MAOB: variants seen among roughly 807,000 people sequenced by gnomAD.
MAOB encodes the protein amine oxidase [flavin-containing] B.
Under a neutral mutation model 41.9 loss-of-function variants are expected in MAOB, and 15 were observed. The observed-to-expected ratio is 0.36, with a 90% confidence interval of 0.24 to 0.55. MAOB has a LOEUF of 0.55. Ranked by LOEUF, MAOB falls within the 20% of genes least tolerant of loss-of-function variation. MAOB has a pLI of 0.86. For missense variants in MAOB, 345 were observed against 398.7 expected, an observed-to-expected ratio of 0.87 and a Z score of 1.15; for synonymous variants, 167 against 144.2, an observed-to-expected ratio of 1.16 and a Z score of -1.13.
chrX:43,826,814 G>C (rs2034952467), intron 3 of MAOB, among the ~76,000 whole-genome samples: 1 of 111,476 alleles, frequency 9.0e-6, no homozygotes. Flanking sequence ...CAATTAATGA[G>C]AGCAGAGCCC....
chrX:43,769,239 T>C, intron 13 of MAOB, 68 bp downstream of exon 13: 1 of 1,084,931 alleles, frequency 9.2e-7, no homozygotes, highest in African/African-American at 1.9e-5. Flanking sequence ...GGCTCTCAGA[T>C]ATCTTTGACC....
At chrX:43,860,304 T>C (rs1312472194) in intron 1 of MAOB, among the ~76,000 whole-genome samples, 1 of 112,007 alleles carries the variant, frequency 8.9e-6, no homozygotes, top group Non-Finnish European at 1.9e-5. Context: ...CCTTCCTCTA[T>C]GTAATAATCA....
rs183384831 is a variant in MAOB at position 43,877,795 on chromosome X, G to T, written c.46+4459C>A. On this transcript the variant is annotated intron_variant, in intron 1 of 14. Transcript: ENST00000378069. ...AGCCTGAGTTCCTCAGGCCCCTTGC[G>T]GGGGGATAAAGGAATTGGCTGAGCC... Among the ~76,000 whole-genome samples, 36 of 111,885 alleles carry T rather than the reference G, an allele frequency of 3.2e-4. No individual in the cohort carries two copies. In the East Asian group the frequency reaches 6.8e-3, roughly 21 times the overall value.
intron 1 of MAOB, among the ~76,000 whole-genome samples, chrX:43,851,007 A>G (rs1330599319): frequency 1.8e-5 from 2 of 112,120 alleles, no homozygotes; most frequent in African/African-American, 6.5e-5. Flanking sequence ...TTGTTTAATA[A>G]CCAAGCTTTT....
intron 8 of MAOB, among the ~76,000 whole-genome samples, chrX:43,784,923 G>A (rs1392891611): frequency 2.7e-5 from 3 of 112,106 alleles, no homozygotes; most frequent in Non-Finnish European, 3.8e-5. Flanking sequence ...CAAGATGGGC[G>A]GATCACTTGA....
chrX:43,786,956 C>G (rs186305724), intron 8 of MAOB, among the ~76,000 whole-genome samples: 1 of 111,665 alleles, frequency 9.0e-6, no homozygotes, highest in African/African-American at 3.3e-5. Flanking sequence ...CCCATGCACA[C>G]AAAACATCTC....
At chrX:43,861,860 T>TGC (rs1169523747) in intron 1 of MAOB, among the ~76,000 whole-genome samples, 1 of 109,402 alleles carries the variant, frequency 9.1e-6, no homozygotes, top group African/African-American at 3.3e-5. Context: ...CTGAAACGTG[T>TGC]GTGTGTGTGT....
chrX:43,823,495 G>A (rs1301868868), intron 3 of MAOB, among the ~76,000 whole-genome samples: 1 of 110,856 alleles, frequency 9.0e-6, no homozygotes, highest in East Asian at 2.8e-4. Flanking sequence ...TATTGTTAGA[G>A]CTTTCAACTT....
chrX:43,791,228 A>T (rs553935008), intron 8 of MAOB, among the ~76,000 whole-genome samples: 1 of 111,678 alleles, frequency 9.0e-6, no homozygotes, highest in East Asian at 2.8e-4. Flanking sequence ...GCGGAAAAAG[A>T]GTAGTTACAC....
intron 1 of MAOB, among the ~76,000 whole-genome samples, chrX:43,873,502 C>T (rs188697699): frequency 1.2e-4 from 13 of 110,195 alleles, no homozygotes; most frequent in Admixed American, 9.7e-4. Flanking sequence ...AGATCAAGAG[C>T]TCAAATTTCA....
chrX:43,801,844 T>G (rs765422959), intron 5 of MAOB, among the ~76,000 whole-genome samples: 3 of 112,887 alleles, frequency 2.7e-5, no homozygotes, highest in Non-Finnish European at 5.6e-5. Context: ...ATACAAAAAT[T>G]GTCCTATATC....
chrX:43,833,678 C>A (rs771033198), intron 3 of MAOB, among the ~76,000 whole-genome samples: 2 of 111,415 alleles, frequency 1.8e-5, no homozygotes, highest in East Asian at 5.6e-4. Flanking sequence ...CATTGTCTAC[C>A]CTCCACTCCC....
At chrX:43,804,073 G>A (rs1260789594) in intron 3 of MAOB, among the ~76,000 whole-genome samples, 1 of 111,452 alleles carries the variant, frequency 9.0e-6, no homozygotes, top group African/African-American at 3.3e-5. Context: ...AATAATATCT[G>A]GGAGAATTAA....
chrX:43,769,252 C>T, intron 13 of MAOB, 55 bp downstream of exon 13: 3 of 1,110,468 alleles, frequency 2.7e-6, no homozygotes, highest in Non-Finnish European at 3.5e-6. Flanking sequence ...CTTTGACCTA[C>T]ATGTCAGGAC....
At chrX:43,805,288 A>G (rs1194640888) in intron 3 of MAOB, among the ~76,000 whole-genome samples, 2 of 111,657 alleles carry the variant, frequency 1.8e-5, no homozygotes, top group Non-Finnish European at 3.8e-5. Context: ...TAAATTTTGT[A>G]TCCTTTGACC....
intron 8 of MAOB, among the ~76,000 whole-genome samples, chrX:43,786,330 G>T (rs986477563): frequency 8.9e-6 from 1 of 111,810 alleles, no homozygotes; most frequent in Admixed American, 9.5e-5. Context: ...AAATAAGGAA[G>T]AAAGAACAGA....
intron 1 of MAOB, among the ~76,000 whole-genome samples, chrX:43,858,038 A>C (rs774923353): frequency 9.8e-5 from 11 of 111,741 alleles, no homozygotes; most frequent in Non-Finnish European, 1.7e-4. Flanking sequence ...GCTTCAGCAA[A>C]GACAGACACC....
chrX:43,812,264 C>A (rs769622733), intron 3 of MAOB, among the ~76,000 whole-genome samples: 1 of 112,504 alleles, frequency 8.9e-6, no homozygotes, highest in African/African-American at 3.2e-5. Flanking sequence ...ACTTAGGTTG[C>A]TTCCAAATGT....
At chrX:43,837,635 G>A (rs2035086542) in intron 3 of MAOB, among the ~76,000 whole-genome samples, 1 of 112,656 alleles carries the variant, frequency 8.9e-6, no homozygotes, top group African/African-American at 3.2e-5. Context: ...TCAGTTATTT[G>A]TTTCGATATT....
Sources: allele counts gnomAD v4.1 joint callset (sites outside exome capture counted in the v4.1 genomes callset), GRCh38; gene constraint gnomAD v4.1.1; transcripts MANE v1.5; gene names NCBI Gene and HGNC (gene_info 2026-07-23, HGNC 2026-07-21).